The following FNBP4 variants were observed in gnomAD, a reference collection of about 807,000 sequenced individuals.
FNBP4 encodes formin-binding protein 4.
FNBP4 carries 34 observed loss-of-function variants against 119.3 expected under a neutral mutation model. The ratio of observed to expected loss-of-function variants is 0.28; its 90% CI spans 0.22 to 0.38. The LOEUF is 0.38. FNBP4 is among the 10% of genes least tolerant of loss of function. The probability of loss-of-function intolerance (pLI) is 1.00; values close to 1 mark genes in which losing one functional copy is unlikely to be tolerated. For synonymous variants in FNBP4, 462 were observed against 430.6 expected (o/e 1.07, Z -0.90); for missense variants, 1,112 against 1,228.9 (o/e 0.90, Z 1.42).
rs375025501 is a variant in FNBP4 at position 47,731,366 on chromosome 11, T to A, written c.2008+8A>T. 1.0e-5 allele frequency: 16 copies of A among 1,599,510 alleles called. No individual in the cohort carries two copies. The highest frequency in any genetic ancestry group is 1.2e-5 in the Non-Finnish European group (14 of 1,175,124). On this transcript the variant is annotated splice_region_variant and intron_variant, in intron 12 of 16. Transcript: ENST00000263773. ...TTGGCTGAATTAGTACAAGGTAAATTGTCTCACCTGTGGAAGTTTCAGAGG... is the reference window on the plus strand; with the variant it reads ...TTGGCTGAATTAGTACAAGGTAAATAGTCTCACCTGTGGAAGTTTCAGAGG...
At chr11:47,736,857 T>A (rs780810409) in intron 8 of FNBP4, 117 bp from the exon 9 acceptor site, 1 of 976,338 alleles carries the variant, frequency 1.0e-6, no homozygotes, top group Non-Finnish European at 1.5e-6. Flanking sequence ...TCTTGCCTGT[T>A]TTACTTACTT....
Position 47,736,729 on chromosome 11 carries a change from C to T in FNBP4, c.1468G>A (p.Glu490Lys). 1.3e-6 allele frequency: 2 copies of T among 1,598,650 alleles called. No individual in the cohort carries two copies. The highest frequency in any genetic ancestry group is 1.7e-6 in the Non-Finnish European group (2 of 1,169,108). Residue 490 changes from glutamate to lysine, a missense_variant, in exon 9 of 17, where the codon GAA (glutamate) becomes AAA (lysine). Physicochemically the swap from Glu to Lys is moderately conservative, Grantham distance 56. This residue lies in a region of FNBP4 where 826 missense variants were observed against 988.8 expected (regional missense o/e 0.84). Coordinates refer to ENST00000263773, the MANE Select transcript of FNBP4 (RefSeq NM_015308.5). ...TTCTCATCTATTTTTTCTGAATTTTCAGCACCAATTGCTGTAAAAAAAACA... is the reference window on the plus strand; with the variant it reads ...TTCTCATCTATTTTTTCTGAATTTTTAGCACCAATTGCTGTAAAAAAAACA... ...PENGETAIGA[E>K]NSEKIDENSD...
At chr11:47,727,213 C>T (rs1395017243) in intron 12 of FNBP4, among the ~76,000 whole-genome samples, 4 of 151,216 alleles carry the variant, frequency 2.6e-5, no homozygotes, top group East Asian at 1.9e-4. Flanking sequence ...CCACAAATGA[C>T]GAGCATTTTT....
chr11:47,724,060 G>A lies in FNBP4; in HGVS notation c.2432C>T (p.Pro811Leu). 3 of 1,614,154 alleles carry A rather than the reference G, an allele frequency of 1.9e-6. No individual in the cohort carries two copies. The highest frequency in any genetic ancestry group is 1.6e-4 in the Middle Eastern group (1 of 6,062). The part of the protein sequence containing the change: ...VQRSATIGSS[P>L]VLYSQSAIAT... The stretch of plus-strand genomic sequence containing the variant: ...TATAGCTGACTGGCTATAGAGAACT[G>A]GAGAACTGCCAATGGTAGCTGACCT... Residue 811 changes from proline to leucine, a missense_variant, in exon 14 of 17, where the codon CCA (proline) becomes CTA (leucine). By Grantham distance (98) the Pro-to-Leu change is moderately conservative. This residue lies in a region of FNBP4 where 826 missense variants were observed against 988.8 expected (regional missense o/e 0.84). Transcript: ENST00000263773.
intron 7 of FNBP4, among the ~76,000 whole-genome samples, chr11:47,744,798 T>C (rs1599217063): frequency 6.6e-6 from 1 of 152,220 alleles, no homozygotes; most frequent in Non-Finnish European, 1.5e-5. Context: ...GTCACCCTAC[T>C]GTGCTATCAA....
rs1208357059 is a variant in FNBP4 at position 47,753,753 on chromosome 11, G to A, written c.451-651C>T. On this transcript the variant is annotated intron_variant, in intron 3 of 16. Coordinates refer to ENST00000263773, the MANE Select transcript of FNBP4 (RefSeq NM_015308.5). ...AGAGGTTGCAGTGGGCCAACATCAC[G>A]CCACCACATTTCAGCCTGGGTGACA... Among the ~76,000 whole-genome samples, 7 of 151,848 alleles carry A rather than the reference G, an allele frequency of 4.6e-5. No individual in the cohort carries two copies. In the East Asian group the frequency reaches 9.7e-4, roughly 21 times the overall value.
chr11:47,726,481 T>C (rs2097561172), intron 12 of FNBP4: 1 of 151,872 alleles, frequency 6.6e-6, no homozygotes, highest in Admixed American at 6.6e-5. Flanking sequence ...AGAGTAGTTT[T>C]ACTTTTTATG....
intron 6 of FNBP4, among the ~76,000 whole-genome samples, chr11:47,746,969 A>G (rs1177158131): frequency 1.3e-5 from 2 of 152,172 alleles, no homozygotes; most frequent in Non-Finnish European, 2.9e-5. Flanking sequence ...GTAAACAGAG[A>G]TAGATTTAAG....
intron 1 of FNBP4, 48 bp downstream of exon 1, chr11:47,767,021 A>G: frequency 6.6e-7 from 1 of 1,506,894 alleles, no homozygotes; most frequent in Non-Finnish European, 8.8e-7. Context: ...TGAGGAGCCT[A>G]GGCCGCAAGC....
Position 47,767,252 on chromosome 11 carries a change from G to C in FNBP4, c.37C>G (p.Pro13Ala), listed in dbSNP as rs745638210. The C allele has an allele frequency of 1.4e-5, 22 of 1,563,306 alleles. No individual in the cohort carries two copies. The highest frequency in any genetic ancestry group is 2.4e-5 in the East Asian group (1 of 42,402). ...CCCGGCGGAGAGAGTTGCAGGATGG[G>C]CCTACGGCCGGGTACCGCCCGGGAC... ...KKSRAVPGRRPILQLSPPGPR... is the reference protein window; with the variant it reads ...KKSRAVPGRRAILQLSPPGPR... Residue 13 changes from proline to alanine, a missense_variant, in exon 1 of 17, where the codon CCC (proline) becomes GCC (alanine). By Grantham distance (27) the Pro-to-Ala change is conservative (BLOSUM62 -1). This residue lies in a region of FNBP4 where 286 missense variants were observed against 240.1 expected (regional missense o/e 1.19). Coordinates refer to ENST00000263773, the MANE Select transcript of FNBP4 (RefSeq NM_015308.5).
intron 7 of FNBP4, among the ~76,000 whole-genome samples, chr11:47,744,558 G>T (rs762253520): frequency 2.0e-5 from 3 of 151,916 alleles, no homozygotes; most frequent in Non-Finnish European, 2.9e-5. Context: ...CACTGCACTC[G>T]GCCTACTCAC....
At chr11:47,730,338 G>C in intron 12 of FNBP4, 2 of 666,984 alleles carry the variant, frequency 3.0e-6, no homozygotes, top group Non-Finnish European at 3.7e-6. Context: ...TCTAAAATGT[G>C]AAGTAGAATA....
intron 14 of FNBP4, 46 bp from the exon 15 acceptor site, chr11:47,723,362 C>G: frequency 1.3e-6 from 2 of 1,545,532 alleles, no homozygotes; most frequent in Non-Finnish European, 1.7e-6. Flanking sequence ...GACATCATGA[C>G]AAGAACAGAT....
At chr11:47,722,917 G>A in intron 15 of FNBP4, 59 bp downstream of exon 15, 1 of 1,433,224 alleles carries the variant, frequency 7.0e-7, no homozygotes, top group Non-Finnish European at 9.1e-7. Flanking sequence ...CATGTTATGT[G>A]AATATAACCT....
Position 47,737,360 on chromosome 11 carries a change from T to C in FNBP4, c.1457-620A>G, listed in dbSNP as rs556652976. Among the ~76,000 whole-genome samples the C allele has an allele frequency of 2.0e-5, 3 of 152,302 alleles. No individual in the cohort carries two copies. In the South Asian group the frequency reaches 6.2e-4, roughly 32 times the overall value. On this transcript the variant is annotated intron_variant, in intron 8 of 16. Transcript: ENST00000263773. ...AGAATACCACTGCTTCAATTACTTA[T>C]AATAGCTAGACAGCAAACCTGAGTA...
In FNBP4 at chr11:47,760,436, G is replaced by GT. The variant is rs111640171; in HGVS notation, c.313+4833dup. On this transcript the variant is annotated intron_variant, in intron 2 of 16. Coordinates refer to ENST00000263773, the MANE Select transcript of FNBP4 (RefSeq NM_015308.5). Reference sequence around the variant, plus strand: ...GCCAATGTAATTTTTGTATTTTTTTGTTTTTTTTTTTTTTGGAGATGGAGT... The same window carrying GT: ...GCCAATGTAATTTTTGTATTTTTTTGTTTTTTTTTTTTTTTGGAGATGGAGT... Among the ~76,000 whole-genome samples the GT allele has an allele frequency of 2.1e-3, 272 of 132,404 alleles. 1 individual carries two copies. Among genetic ancestry groups the GT allele is most frequent in the East Asian group, 2.2e-3 (10 of 4,584 alleles). The allele number at this position is 132,404 out of a possible 152,430, so 86.9% of individuals were successfully genotyped here.
chr11:47,724,983 T>C, intron 12 of FNBP4: 1 of 484,398 alleles, frequency 2.1e-6, no homozygotes, highest in Non-Finnish European at 3.5e-6. Flanking sequence ...TCTATACTGA[T>C]ATCGCTAAAA....
At chr11:47,729,731 T>G (rs1158602339) in intron 12 of FNBP4, 1 of 985,348 alleles carries the variant, frequency 1.0e-6, no homozygotes, top group Non-Finnish European at 1.2e-6. Context: ...GTTTTGTTTT[T>G]TCTCTTCTTT....
chr11:47,734,989 C>CGAA (rs375037624), intron 9 of FNBP4, among the ~76,000 whole-genome samples: 1 of 119,932 alleles, frequency 8.3e-6, no homozygotes, highest in Non-Finnish European at 1.7e-5. Context: ...CCCCCCCCCC[C>CGAA]AAAAAAAAAG....
Sources: allele counts gnomAD v4.1 joint callset (sites outside exome capture counted in the v4.1 genomes callset), GRCh38; gene constraint gnomAD v4.1.1; regional missense constraint gnomAD v4.1.1; transcripts MANE v1.5; gene names NCBI Gene and HGNC (gene_info 2026-07-23, HGNC 2026-07-21).